SLC9A9: variants seen among roughly 807,000 people sequenced by gnomAD.
SLC9A9 encodes the protein sodium/hydrogen exchanger 9.
Under a neutral mutation model 77.8 loss-of-function variants are expected in SLC9A9, and 62 were observed. The observed-to-expected ratio is 0.80, with a 90% CI of 0.65 to 0.98. The LOEUF (loss-of-function observed/expected upper bound fraction) is 0.98, where lower values mean the gene tolerates loss of function less well. SLC9A9 is among the 50% of genes least tolerant of loss of function. The pLI is 0.00. For synonymous variants in SLC9A9, 320 were observed against 283.5 expected (o/e 1.13, Z -1.29); for missense variants, 775 against 774.9 (o/e 1.00, Z 0.00).
At chr3:143,686,193 T>A (rs1225201184) in intron 5 of SLC9A9, among the ~76,000 whole-genome samples, 1 of 152,314 alleles carries the variant, frequency 6.6e-6, no homozygotes, top group East Asian at 1.9e-4. Context: ...AGTTTCTTCC[T>A]CAAGTTGTAT....
At chr3:143,743,434 G>C (rs962038753) in intron 4 of SLC9A9, among the ~76,000 whole-genome samples, 2 of 152,158 alleles carry the variant, frequency 1.3e-5, no homozygotes, top group Non-Finnish European at 2.9e-5. Flanking sequence ...AATAGGCAAA[G>C]GATAAAGGCC....
chr3:143,274,127 G>A (rs1425199203), intron 14 of SLC9A9, among the ~76,000 whole-genome samples: 1 of 152,144 alleles, frequency 6.6e-6, no homozygotes, highest in East Asian at 1.9e-4. Context: ...CTCAGCTTGT[G>A]GAAGAAGACT....
At chr3:143,281,502 C>T (rs530134737) in intron 14 of SLC9A9, among the ~76,000 whole-genome samples, 122 of 152,208 alleles carry the variant, frequency 8.0e-4, no homozygotes, top group Admixed American at 1.8e-3. Flanking sequence ...ACAGGGAGCA[C>T]CACAGAAGAC....
At chr3:143,533,820 T>A (rs1223326858) in intron 9 of SLC9A9, among the ~76,000 whole-genome samples, 1 of 152,194 alleles carries the variant, frequency 6.6e-6, no homozygotes, top group Non-Finnish European at 1.5e-5. Flanking sequence ...TCTATGCACA[T>A]TTTTCAGAAA....
chr3:143,431,682 C>T (rs1233972763), intron 12 of SLC9A9, among the ~76,000 whole-genome samples: 3 of 151,924 alleles, frequency 2.0e-5, no homozygotes, highest in African/African-American at 4.8e-5. Context: ...GGGGTTTTAC[C>T]GTGTTAGCCA....
At chr3:143,609,690 T>C (rs2037987866) in intron 6 of SLC9A9, among the ~76,000 whole-genome samples, 1 of 152,146 alleles carries the variant, frequency 6.6e-6, no homozygotes, top group Non-Finnish European at 1.5e-5. Context: ...ACCCTTTCTA[T>C]TTTTTAGAAA....
chr3:143,747,404 C>CAAAAAA (rs1003997379), intron 4 of SLC9A9, among the ~76,000 whole-genome samples: 4 of 51,702 alleles, frequency 7.7e-5, no homozygotes, highest in Non-Finnish European at 8.7e-5. Flanking sequence ...AACTCCATCT[C>CAAAAAA]AAAAAAAAAA....
intron 11 of SLC9A9, among the ~76,000 whole-genome samples, chr3:143,487,681 G>C (rs1393714090): frequency 2.0e-5 from 3 of 151,674 alleles, no homozygotes; most frequent in Non-Finnish European, 4.4e-5. Flanking sequence ...AGAAAAATTA[G>C]AAAATACTAA....
chr3:143,444,113 C>T lies in SLC9A9; in HGVS notation c.1469+22924G>A, dbSNP rs576367545. Among the ~76,000 whole-genome samples, 23 of 152,248 alleles carry T rather than the reference C, an allele frequency of 1.5e-4. No homozygotes were observed. In the South Asian group the frequency reaches 3.9e-3, roughly 26 times the overall value. The stretch of plus-strand genomic sequence containing the variant: ...AAATTTAATAAAACAGTAGTAGTGA[C>T]GCCTAAATGTTTTTACTGACTTCCT... On this transcript the variant is annotated intron_variant, in intron 12 of 15. Transcript: ENST00000316549.
intron 9 of SLC9A9, among the ~76,000 whole-genome samples, chr3:143,522,081 T>G (rs532656368): frequency 9.6e-4 from 146 of 152,158 alleles, no homozygotes; most frequent in Non-Finnish European, 1.7e-3. Flanking sequence ...AAGATTCTGT[T>G]TGAAATTGAT....
chr3:143,796,951 C>T, intron 2 of SLC9A9, 48 bp from the exon 3 acceptor site: 1 of 1,455,610 alleles, frequency 6.9e-7, no homozygotes. Flanking sequence ...TCCTTTGGGT[C>T]ATTAAAAAAA....
intron 2 of SLC9A9, among the ~76,000 whole-genome samples, chr3:143,822,669 G>T (rs1282792660): frequency 6.6e-6 from 1 of 152,184 alleles, no homozygotes; most frequent in Admixed American, 6.5e-5. Context: ...ATAACTACTC[G>T]CTGGAGACCA....
chr3:143,606,436 C>CTCTCTCTCTCTCTCTCTCTCTATA (rs1419410834), intron 6 of SLC9A9, among the ~76,000 whole-genome samples: 1 of 54,188 alleles, frequency 1.8e-5, no homozygotes, highest in African/African-American at 7.7e-5. Flanking sequence ...CTCTCTCTCT[C>CTCTCTCTCTCTCTCTCTCTCTATA]TATATATATA....
At chr3:143,601,879 A>C (rs1180013390) in intron 6 of SLC9A9, among the ~76,000 whole-genome samples, 1 of 145,812 alleles carries the variant, frequency 6.9e-6, no homozygotes, top group Admixed American at 6.8e-5. Flanking sequence ...CATGCCCCCC[A>C]CTGTTCCAAC....
intron 4 of SLC9A9, among the ~76,000 whole-genome samples, chr3:143,763,901 A>G (rs943914118): frequency 6.6e-6 from 1 of 152,030 alleles, no homozygotes; most frequent in Admixed American, 6.6e-5. Flanking sequence ...AGAGTCTAAT[A>G]TGATAAGTGT....
intron 9 of SLC9A9, among the ~76,000 whole-genome samples, chr3:143,512,734 G>C (rs2036137227): frequency 6.6e-6 from 1 of 152,134 alleles, no homozygotes; most frequent in Non-Finnish European, 1.5e-5. Flanking sequence ...AAATCAGCTG[G>C]TCGTGGTGGT....
At chr3:143,780,492 T>C (rs1264349358) in intron 4 of SLC9A9, among the ~76,000 whole-genome samples, 1 of 152,236 alleles carries the variant, frequency 6.6e-6, no homozygotes, top group East Asian at 1.9e-4. Flanking sequence ...TACGCAATCA[T>C]TGATTTGTTT....
chr3:143,364,808 G>A, intron 13 of SLC9A9, among the ~76,000 whole-genome samples: 1 of 152,218 alleles, frequency 6.6e-6, no homozygotes, highest in African/African-American at 2.4e-5. Context: ...CCAAACTTTT[G>A]TCTTTTTCAT....
intron 13 of SLC9A9, among the ~76,000 whole-genome samples, chr3:143,367,109 T>C (rs1407308742): frequency 6.6e-6 from 1 of 152,238 alleles, no homozygotes; most frequent in African/African-American, 2.4e-5. Context: ...GGGGAATATA[T>C]CAGAACTCAT....
Sources: gnomAD v4.1 joint callset for allele counts (sites outside exome capture counted in the v4.1 genomes callset) on GRCh38, gnomAD v4.1.1 for gene constraint, MANE v1.5 for transcripts, NCBI Gene and HGNC (gene_info 2026-07-23, HGNC 2026-07-21) for gene names.